Variants in COL19A1 observed in about 807,000 individuals in gnomAD.
COL19A1 encodes collagen type XIX alpha 1 chain.
COL19A1 carries 159 observed loss-of-function variants against 190.2 expected under a neutral mutation model. That is an observed-to-expected ratio of 0.84 (90% CI 0.73 to 0.95). The LOEUF (loss-of-function observed/expected upper bound fraction) is 0.95, where lower values mean the gene tolerates loss of function less well. Ranked by LOEUF, COL19A1 falls within the 40% of genes least tolerant of loss-of-function variation. The pLI is 0.00. For synonymous variants in COL19A1, 509 were observed against 458.9 expected, an observed-to-expected ratio of 1.11 and a Z score of -1.39; for missense variants, 1,418 against 1,431.9, an observed-to-expected ratio of 0.99 and a Z score of 0.16.
intron 49 of COL19A1, among the ~76,000 whole-genome samples, chr6:70,203,413 T>C (rs1209050249): frequency 3.3e-5 from 5 of 152,174 alleles, no homozygotes; most frequent in Non-Finnish European, 1.5e-5. Context: ...ATGTATAGAT[T>C]TGACCTTTCA....
intron 46 of COL19A1, among the ~76,000 whole-genome samples, chr6:70,185,857 A>G (rs2150292007): frequency 6.6e-6 from 1 of 152,308 alleles, no homozygotes; most frequent in African/African-American, 2.4e-5. Context: ...GTAATCTATA[A>G]TAACTGAAGG....
chr6:70,081,235 A>C (rs1343556905), intron 15 of COL19A1, among the ~76,000 whole-genome samples: 1 of 152,126 alleles, frequency 6.6e-6, no homozygotes, highest in East Asian at 1.9e-4. Flanking sequence ...AAGACTTATA[A>C]TATTTCTAAT....
intron 15 of COL19A1, among the ~76,000 whole-genome samples, chr6:70,085,742 C>T (rs900618816): frequency 7.5e-5 from 7 of 92,774 alleles, no homozygotes; most frequent in East Asian, 6.6e-4. Context: ...CTCTTGAAAA[C>T]GTATACTCTT....
intron 11 of COL19A1, among the ~76,000 whole-genome samples, chr6:69,966,328 A>C (rs2150050341): frequency 6.6e-6 from 1 of 152,334 alleles, no homozygotes; most frequent in African/African-American, 2.4e-5. Flanking sequence ...GTGAAATAGA[A>C]AAGGGGGAAA....
chr6:70,018,778 A>T (rs974168686), intron 11 of COL19A1, among the ~76,000 whole-genome samples: 1 of 152,146 alleles, frequency 6.6e-6, no homozygotes, highest in African/African-American at 2.4e-5. Flanking sequence ...TCCTACTGGA[A>T]ATCCTCTGAG....
chr6:70,065,867 A>G (rs891136372), intron 14 of COL19A1, among the ~76,000 whole-genome samples: 31 of 152,244 alleles, frequency 2.0e-4, no homozygotes, highest in Non-Finnish European at 4.0e-4. Context: ...AATGCTCATC[A>G]TCACTGGCCA....
At chr6:70,103,999 G>A (rs1436144829) in intron 16 of COL19A1, among the ~76,000 whole-genome samples, 6 of 152,082 alleles carry the variant, frequency 3.9e-5, no homozygotes, top group Non-Finnish European at 8.8e-5. Flanking sequence ...CCACTAGAGG[G>A]CCTCAACCCA....
intron 16 of COL19A1, among the ~76,000 whole-genome samples, chr6:70,105,444 C>G (rs1440019885): frequency 6.6e-6 from 1 of 152,162 alleles, no homozygotes; most frequent in East Asian, 1.9e-4. Flanking sequence ...GTGTGAGCCA[C>G]CGTGCCTGGC....
At chr6:69,969,606 AC>A (rs2150053553) in intron 11 of COL19A1, among the ~76,000 whole-genome samples, 2 of 152,350 alleles carry the variant, frequency 1.3e-5, no homozygotes, top group East Asian at 3.9e-4. Context: ...TAATCTAACA[AC>A]TATTTACATA....
chr6:70,035,999 A>C, intron 14 of COL19A1, 60 bp downstream of exon 14: 2 of 1,489,674 alleles, frequency 1.3e-6, no homozygotes, highest in Non-Finnish European at 1.9e-6. Context: ...TATTATCCAT[A>C]TTACATCATG....
chr6:70,051,204 G>A (rs1780181305), intron 14 of COL19A1, among the ~76,000 whole-genome samples: 1 of 151,962 alleles, frequency 6.6e-6, no homozygotes, highest in Non-Finnish European at 1.5e-5. Context: ...TATTTTAAAA[G>A]GATAGAGAAT....
At position 70,156,122 on chromosome 6, in the gene COL19A1, A is replaced by G; in HGVS notation, c.2080-5A>G. On this transcript the variant is annotated splice_polypyrimidine_tract_variant and splice_region_variant and intron_variant, in intron 31 of 50. Transcript: ENST00000620364. ...CCTCAGTAACCTTATCTTTATACTC[A>G]TTAGAATTTCTGTGGCAACTGCCAA... The G allele has an allele frequency of 6.2e-7, 1 of 1,612,172 alleles. No individual in the cohort carries two copies. The highest frequency in any genetic ancestry group is 8.5e-7 in the Non-Finnish European group (1 of 1,179,034).
rs528375055 is a variant in COL19A1, at chr6:69,923,852, A to G, written c.267-4057A>G. 9.8e-5 allele frequency among the ~76,000 whole-genome samples: 15 copies of G among 152,312 alleles called. No individual in the cohort carries two copies. In the South Asian group the frequency reaches 2.7e-3, roughly 27 times the overall value. ...ATTTAAGGTATTTTCTGTCACACAC[A>G]TAGGCCTTCAGCAAAGGCTGGGATG... On this transcript the variant is annotated intron_variant, in intron 4 of 50. Coordinates refer to ENST00000620364, the MANE Select transcript of COL19A1 (RefSeq NM_001858.6).
chr6:70,059,920 T>A, intron 14 of COL19A1: 1 of 333,306 alleles, frequency 3.0e-6, no homozygotes. Context: ...CAAATTAAAT[T>A]GAAGAAGAAA....
At chr6:70,088,625 G>C (rs1320080769) in intron 15 of COL19A1, among the ~76,000 whole-genome samples, 1 of 152,092 alleles carries the variant, frequency 6.6e-6, no homozygotes, top group Non-Finnish European at 1.5e-5. Context: ...AAATACTGGT[G>C]AACTACTATT....
chr6:69,892,602 C>A (rs1313439090), intron 2 of COL19A1, among the ~76,000 whole-genome samples: 1 of 152,168 alleles, frequency 6.6e-6, no homozygotes, highest in Non-Finnish European at 1.5e-5. Flanking sequence ...CAGATAAGAT[C>A]TTTTAAAGCT....
chr6:70,121,800 G>C (rs1331410854), intron 16 of COL19A1, 80 bp from the exon 17 acceptor site: 2 of 883,800 alleles, frequency 2.3e-6, no homozygotes, highest in Non-Finnish European at 3.5e-6. Context: ...ATGATTTCAA[G>C]AGTTCTTAGA....
intron 47 of COL19A1, among the ~76,000 whole-genome samples, chr6:70,189,603 A>C (rs1158592429): frequency 6.6e-6 from 1 of 152,216 alleles, no homozygotes; most frequent in Non-Finnish European, 1.5e-5. Flanking sequence ...AAAAATATCA[A>C]GGCACTATAA....
chr6:69,929,490 T>C lies in COL19A1; in HGVS notation c.456T>C (p.Asp152=), dbSNP rs763387613. 1 of 1,614,040 alleles carries C rather than the reference T, an allele frequency of 6.2e-7. No homozygotes were observed. Among genetic ancestry groups the C allele is most frequent in the Admixed American group, 1.7e-5 (1 of 59,992 alleles). The change falls in exon 6 of 51, where the codon GAT becomes GAC. Residue 152 remains aspartate, a synonymous_variant. Transcript: ENST00000620364. ...VEFMFQATEG[D]VLNYIFRNRE... is the part of the protein sequence containing the mutation. The stretch of plus-strand genomic sequence containing the variant: ...TTATGTTTCAAGCCACAGAGGGAGA[T>C]GTGTTGAACTACATTTTTAGAAATC...
Sources: gnomAD v4.1 joint callset for allele counts (sites outside exome capture counted in the v4.1 genomes callset) on GRCh38, gnomAD v4.1.1 for gene constraint, MANE v1.5 for transcripts, NCBI Gene and HGNC (gene_info 2026-07-23, HGNC 2026-07-21) for gene names.